The following IFT56 variants were observed in gnomAD, a reference collection of about 807,000 sequenced individuals.
The protein encoded by IFT56 is intraflagellar transport protein 56.
At chr7:139,140,462 G>A in the IFT56 span, among the ~76,000 whole-genome samples, 231 of 120,812 alleles carry the variant, frequency 1.9e-3, 1 homozygote, top group African/African-American at 0.011. Flanking sequence ...TCAAATTTAA[G>A]AATAAAAGGG....
the IFT56 span, among the ~76,000 whole-genome samples, chr7:139,164,794 G>T: frequency 6.6e-6 from 1 of 151,920 alleles, no homozygotes; most frequent in South Asian, 2.1e-4. Context: ...AAAGATATAA[G>T]GGCTATGAAT....
chr7:139,144,013 A>G, the IFT56 span, among the ~76,000 whole-genome samples: 2 of 152,102 alleles, frequency 1.3e-5, no homozygotes, highest in Non-Finnish European at 2.9e-5. Flanking sequence ...AAGTGTCTAT[A>G]TGTTTCTAAT....
At chr7:139,133,986 T>C in the IFT56 span, 1 of 1,184,676 alleles carries the variant, frequency 8.4e-7, no homozygotes, top group South Asian at 1.3e-5. Context: ...GCTCTCCCTG[T>C]GTTCCCACGG....
chr7:139,184,793 G>A, the IFT56 span, among the ~76,000 whole-genome samples: 3 of 152,160 alleles, frequency 2.0e-5, no homozygotes, highest in Admixed American at 2.0e-4. Flanking sequence ...GGTGGCTGAT[G>A]CCTGTAATCC....
At chr7:139,165,299 T>G in the IFT56 span, 3 of 1,048,870 alleles carry the variant, frequency 2.9e-6, no homozygotes, top group East Asian at 8.0e-5. Context: ...ATATGTCTGA[T>G]GGAACTATTT....
the IFT56 span, among the ~76,000 whole-genome samples, chr7:139,184,777 G>A: frequency 1.2e-4 from 18 of 152,212 alleles, no homozygotes; most frequent in East Asian, 1.7e-3. Flanking sequence ...TGGGCAGGCC[G>A]GGCGTGGTGG....
At chr7:139,141,192 C>T in the IFT56 span, among the ~76,000 whole-genome samples, 2 of 147,468 alleles carry the variant, frequency 1.4e-5, no homozygotes, top group South Asian at 2.2e-4. Flanking sequence ...ACGCGGGAGG[C>T]GGAGCTTGCA....
At chr7:139,172,848 T>C in the IFT56 span, 1 of 677,902 alleles carries the variant, frequency 1.5e-6, no homozygotes, top group Non-Finnish European at 2.8e-6. Context: ...ACACTGTACT[T>C]CCTTCCTTGC....
the IFT56 span, chr7:139,147,206 A>C: frequency 1.2e-6 from 2 of 1,613,692 alleles, no homozygotes; most frequent in Non-Finnish European, 1.7e-6. Context: ...ACAGAAGATC[A>C]ACTCAGTTTG....
At chr7:139,176,272 G>A in the IFT56 span, among the ~76,000 whole-genome samples, 2 of 152,066 alleles carry the variant, frequency 1.3e-5, no homozygotes, top group African/African-American at 4.8e-5. Context: ...TTACCCTGAT[G>A]TGATTGTTAT....
chr7:139,173,244 T>TTTTA, the IFT56 span: 1 of 449,990 alleles, frequency 2.2e-6, no homozygotes, highest in Non-Finnish European at 4.0e-6. Flanking sequence ...TTTTTTTTTT[T>TTTTA]GAGATGGAGT....
At chr7:139,165,063 C>CCTTAAA in the IFT56 span, 2 of 1,264,912 alleles carry the variant, frequency 1.6e-6, no homozygotes, top group Non-Finnish European at 2.2e-6. Context: ...TATGCCAGCT[C>CCTTAAA]CTTAAACATT....
the IFT56 span, among the ~76,000 whole-genome samples, chr7:139,148,025 T>C: frequency 3.3e-5 from 5 of 152,230 alleles, no homozygotes; most frequent in East Asian, 3.8e-4. Flanking sequence ...ATTCTACTTA[T>C]ATCAAAACAC....
the IFT56 span, chr7:139,179,478 T>C: frequency 3.1e-6 from 3 of 959,154 alleles, no homozygotes; most frequent in South Asian, 1.4e-5. Context: ...CTGTCTATAA[T>C]GCTACAGTGA....
chr7:139,173,178 G>A, the IFT56 span: 1 of 563,422 alleles, frequency 1.8e-6, no homozygotes, highest in South Asian at 2.3e-5. Flanking sequence ...TCGTATTAGT[G>A]TTTATGGCAC....
chr7:139,177,544 G>T, the IFT56 span, among the ~76,000 whole-genome samples: 4 of 151,354 alleles, frequency 2.6e-5, no homozygotes, highest in African/African-American at 4.9e-5. Flanking sequence ...TTAGTTTTGT[G>T]TTTATCTGGT....
the IFT56 span, among the ~76,000 whole-genome samples, chr7:139,159,658 T>C: frequency 6.6e-6 from 1 of 152,224 alleles, no homozygotes; most frequent in African/African-American, 2.4e-5. Flanking sequence ...ATCTATCCTC[T>C]GTTAAGCCAG....
chr7:139,170,546 C>T, the IFT56 span, among the ~76,000 whole-genome samples: 1 of 151,776 alleles, frequency 6.6e-6, no homozygotes, highest in Non-Finnish European at 1.5e-5. Flanking sequence ...CAAGAATGGT[C>T]CAACATATGC....
chr7:139,182,774 G>A, the IFT56 span, among the ~76,000 whole-genome samples: 1 of 152,012 alleles, frequency 6.6e-6, no homozygotes, highest in Non-Finnish European at 1.5e-5. Flanking sequence ...AGGATGAACA[G>A]AAGAGAAGGA....
Sources: allele counts gnomAD v4.1 joint callset (sites outside exome capture counted in the v4.1 genomes callset), GRCh38; gene constraint gnomAD v4.1.1; transcripts MANE v1.5; gene names NCBI Gene and HGNC (gene_info 2026-07-23, HGNC 2026-07-21).